The following CHST11 variants were observed in gnomAD, a reference collection of about 807,000 sequenced individuals.
CHST11 encodes the protein C4S-1.
A neutral mutation model predicts 30.4 loss-of-function variants in CHST11; 9 were observed. The ratio of observed to expected loss-of-function variants is 0.30; its 90% CI spans 0.18 to 0.52. CHST11 has a LOEUF of 0.52. Ranked by LOEUF, CHST11 falls within the 20% of genes least tolerant of loss-of-function variation. The probability of loss-of-function intolerance (pLI) is 0.97; values close to 1 mark genes in which losing one functional copy is unlikely to be tolerated. For synonymous variants in CHST11, 152 were observed against 187.8 expected (o/e 0.81, Z 1.56); for missense variants, 348 against 460.6 (o/e 0.76, Z 2.24).
At chr12:104,646,523 A>G (rs2039432907) in intron 2 of CHST11, among the ~76,000 whole-genome samples, 1 of 152,036 alleles carries the variant, frequency 6.6e-6, no homozygotes, top group Admixed American at 6.6e-5. Flanking sequence ...CACGAGGTCA[A>G]GAGATCAAGA....
intron 2 of CHST11, among the ~76,000 whole-genome samples, chr12:104,606,030 C>T (rs1183298527): frequency 1.3e-5 from 2 of 152,182 alleles, no homozygotes; most frequent in East Asian, 3.9e-4. Flanking sequence ...AGACTCACAG[C>T]ACAGGGCTGT....
At chr12:104,625,062 G>A (rs1365931858) in intron 2 of CHST11, among the ~76,000 whole-genome samples, 1 of 152,124 alleles carries the variant, frequency 6.6e-6, no homozygotes, top group African/African-American at 2.4e-5. Context: ...TACAAATTTT[G>A]GGGGACCCAC....
chr12:104,752,574 C>T (rs1208134407), intron 2 of CHST11, among the ~76,000 whole-genome samples: 1 of 152,156 alleles, frequency 6.6e-6, no homozygotes, highest in Non-Finnish European at 1.5e-5. Flanking sequence ...GTCGCCCAGG[C>T]TGGAGTGCAG....
At chr12:104,671,281 G>T (rs78278230) in intron 2 of CHST11, among the ~76,000 whole-genome samples, 1 of 152,318 alleles carries the variant, frequency 6.6e-6, no homozygotes, top group East Asian at 1.9e-4. Context: ...GGTGTGGGTG[G>T]TAGGGAAAAG....
chr12:104,490,137 C>T (rs190268945), intron 1 of CHST11, among the ~76,000 whole-genome samples: 7 of 152,324 alleles, frequency 4.6e-5, no homozygotes, highest in African/African-American at 1.2e-4. Flanking sequence ...AATGTCTGTG[C>T]ACAGACCAGG....
intron 2 of CHST11, among the ~76,000 whole-genome samples, chr12:104,695,459 G>GTA (rs1244438432): frequency 1.9e-3 from 295 of 152,186 alleles, no homozygotes; most frequent in Middle Eastern, 3.4e-3. Flanking sequence ...GTGTGTGTGT[G>GTA]TGTGTGTGTG....
At chr12:104,459,088 G>T (rs1351781312) in intron 1 of CHST11, among the ~76,000 whole-genome samples, 3 of 152,260 alleles carry the variant, frequency 2.0e-5, no homozygotes, top group African/African-American at 7.2e-5. Context: ...CCCTGTTAAA[G>T]ATGGCTTTTG....
rs968916656 is a variant in CHST11 at position 104,458,702 on chromosome 12, G to A, written c.118+1173G>A. Among the ~76,000 whole-genome samples, 2 of 152,274 alleles carry A rather than the reference G, an allele frequency of 1.3e-5. No homozygotes were observed. The highest frequency in any genetic ancestry group is 4.8e-5 in the African/African-American group (2 of 41,472). On this transcript the variant is annotated intron_variant, in intron 1 of 2. Transcript: ENST00000303694. The surrounding 1 kb of genome is among the most constrained non-coding windows in gnomAD (Gnocchi z 5.7). Reference sequence around the variant, plus strand: ...AGAAATCCATTTTCTACGCCTCCGAGTTGCCTTTCTCAGCGTAGTCACAGC... The same window carrying A: ...AGAAATCCATTTTCTACGCCTCCGAATTGCCTTTCTCAGCGTAGTCACAGC...
At chr12:104,543,923 CTAGCCTGGGCAACA>C (rs1406795099) in intron 1 of CHST11, among the ~76,000 whole-genome samples, 1 of 151,362 alleles carries the variant, frequency 6.6e-6, no homozygotes, top group East Asian at 1.9e-4. Flanking sequence ...GAATTCAAGA[CTAGCCTGGGCAACA>C]TAGCAAGATC....
intron 1 of CHST11, among the ~76,000 whole-genome samples, chr12:104,598,133 T>C (rs746035): frequency 0.4 from 60,524 of 152,124 alleles, 12,442 homozygotes; most frequent in East Asian, 0.7. Flanking sequence ...ACTTCCCTAA[T>C]GCCACTTGTA....
At position 104,632,267 on chromosome 12, in the gene CHST11, G is replaced by A. The variant is rs1274088015; in HGVS notation, c.204+30276G>A. 2.0e-5 allele frequency among the ~76,000 whole-genome samples: 3 copies of A among 152,224 alleles called. 1 individual carries two copies. The highest frequency in any genetic ancestry group is 4.1e-4 in the South Asian group (2 of 4,820). On this transcript the variant is annotated intron_variant, in intron 2 of 2. Transcript: ENST00000303694. ...GGGCACCACTTCAGAAGAGCACAGC[G>A]CAAGCAGAGGTGTAGTGGGGGGACT...
rs1289341017 is a variant in CHST11, at chr12:104,676,344, C to T, written c.204+74353C>T. On this transcript the variant is annotated intron_variant, in intron 2 of 2. Coordinates refer to ENST00000303694, the MANE Select transcript of CHST11 (RefSeq NM_018413.6). This position sits in a 1 kb window ranked among gnomAD's most constrained non-coding sequence, Gnocchi z 4.4. ...GCCTTTTTTAGCTATTAGATGCCTT[C>T]TGAATTTTTTGGCTCATGGCCGCAT... Among the ~76,000 whole-genome samples, 4 of 152,200 alleles carry T rather than the reference C, an allele frequency of 2.6e-5. No homozygotes were observed. The highest frequency in any genetic ancestry group is 9.7e-5 in the African/African-American group (4 of 41,448).
intron 1 of CHST11, among the ~76,000 whole-genome samples, chr12:104,544,949 T>G (rs1795867): frequency 1.3e-5 from 2 of 151,694 alleles, no homozygotes; most frequent in African/African-American, 4.8e-5. Context: ...AGCTGAAAAA[T>G]GGGTGGGTTT....
rs1344676 is a variant in CHST11 at position 104,657,169 on chromosome 12, G to A, written c.204+55178G>A. Among the ~76,000 whole-genome samples the A allele has an allele frequency of 2.9e-3, 436 of 152,304 alleles. 2 individuals carry two copies. Among genetic ancestry groups the A allele is most frequent in the African/African-American group, 9.9e-3 (411 of 41,568 alleles). On this transcript the variant is annotated intron_variant, in intron 2 of 2. Transcript: ENST00000303694. ...GTTTTTCCTGTTACCTAACAGTCAA[G>A]GGGAATCATATTTCCTGGTTTAGCA...
At chr12:104,606,278 G>A (rs1465023488) in intron 2 of CHST11, among the ~76,000 whole-genome samples, 2 of 151,932 alleles carry the variant, frequency 1.3e-5, no homozygotes, top group East Asian at 3.9e-4. Context: ...AGTCTTCAGG[G>A]TGCTAAAGTA....
intron 2 of CHST11, among the ~76,000 whole-genome samples, chr12:104,604,586 A>G (rs2038985670): frequency 1.3e-5 from 2 of 152,166 alleles, no homozygotes; most frequent in African/African-American, 4.8e-5. Flanking sequence ...TTTTGTGTCC[A>G]TGAGCCATTT....
At chr12:104,503,972 C>T (rs1202633949) in intron 1 of CHST11, among the ~76,000 whole-genome samples, 2 of 152,172 alleles carry the variant, frequency 1.3e-5, no homozygotes, top group African/African-American at 4.8e-5. Context: ...TAATTTTGGG[C>T]TCAGAAAGCT....
At chr12:104,582,339 C>T (rs2038754317) in intron 1 of CHST11, among the ~76,000 whole-genome samples, 1 of 152,152 alleles carries the variant, frequency 6.6e-6, no homozygotes, top group Non-Finnish European at 1.5e-5. Flanking sequence ...CCCTTGGCTA[C>T]AGTGCTCTGC....
At chr12:104,741,394 G>A (rs1001116562) in intron 2 of CHST11, among the ~76,000 whole-genome samples, 5 of 152,206 alleles carry the variant, frequency 3.3e-5, no homozygotes, top group African/African-American at 4.8e-5. Context: ...ATGCAGAAAC[G>A]AAAGGCCCAG....
Sources: gnomAD v4.1 joint callset for allele counts (sites outside exome capture counted in the v4.1 genomes callset) on GRCh38, gnomAD v4.1.1 for gene constraint, Gnocchi (gnomAD v3.1) non-coding constraint, MANE v1.5 for transcripts, NCBI Gene and HGNC (gene_info 2026-07-23, HGNC 2026-07-21) for gene names.